MYT1: variants seen among roughly 807,000 people sequenced by gnomAD.
MYT1 encodes the protein myelin transcription factor 1, also known as myelin transcription factor I.
Under a neutral mutation model 123.0 loss-of-function variants are expected in MYT1, and 23 were observed. The ratio of observed to expected loss-of-function variants is 0.19; its 90% CI spans 0.13 to 0.26. The LOEUF (loss-of-function observed/expected upper bound fraction) is 0.26. Ranked by LOEUF, MYT1 falls within the 10% of genes least tolerant of loss-of-function variation. The pLI, the probability that MYT1 is intolerant of heterozygous loss-of-function variation, is 1.00. For missense variants in MYT1, 1,125 were observed against 1,472.5 expected (o/e 0.76, Z 3.86); for synonymous variants, 518 against 575.3 (o/e 0.90, Z 1.43).
rs1984350810 is a variant in MYT1 at position 64,232,466 on chromosome 20, G to A, written c.2897+81G>A. 7.0e-7 allele frequency: 1 copy of A among 1,418,454 alleles called. No homozygotes were observed. The highest frequency in any genetic ancestry group is 1.4e-5 in the African/African-American group (1 of 70,992). 87.9% of individuals were successfully genotyped at this position (1,418,454 alleles called of 1,614,324 possible). ...GGGCCTGGGGCTGAAGCTCCTGAGGGAGGGCCAGACCAGGGCTCCGTGTGA... is the reference window on the plus strand; with the variant it reads ...GGGCCTGGGGCTGAAGCTCCTGAGGAAGGGCCAGACCAGGGCTCCGTGTGA... On this transcript the variant is annotated intron_variant, in intron 19 of 22. Transcript: ENST00000328439. The surrounding 1 kb of genome is among the most constrained non-coding windows in gnomAD (Gnocchi z 6.9).
rs1982899194 is a variant in MYT1 at position 64,189,235 on chromosome 20, A to G, written c.-98-828A>G. Among the ~76,000 whole-genome samples, 1 of 152,244 alleles carries G rather than the reference A, an allele frequency of 6.6e-6. No homozygotes were observed. Among genetic ancestry groups the G allele is most frequent in the Non-Finnish European group, 1.5e-5 (1 of 68,048 alleles). The stretch of plus-strand genomic sequence containing the variant: ...TTCCAAGGCAAAGCCAGGGCCCAAC[A>G]CGAGAATATTCATTTCCTGTTTCAT... On this transcript the variant is annotated intron_variant, in intron 1 of 22. Coordinates refer to ENST00000328439, the MANE Select transcript of MYT1 (RefSeq NM_004535.3). This position sits in a 1 kb window ranked among gnomAD's most constrained non-coding sequence, Gnocchi z 5.5.
rs182552006 is a variant in MYT1, at chr20:64,240,579, C to T, written c.*131C>T. On this transcript the variant is annotated 3_prime_UTR_variant, in exon 23 of 23. Transcript: ENST00000328439. ...CCGGTGTGGCCGCGGGCGGGTTTAT[C>T]CAAAGGGATGGCTGGAAATTGGCCG... 4.5e-6 allele frequency: 6 copies of T among 1,324,514 alleles called. No homozygotes were observed. Among genetic ancestry groups the T allele is most frequent in the East Asian group, 2.6e-5 (1 of 38,640 alleles). 82.0% of individuals were successfully genotyped at this position (1,324,514 alleles called of 1,614,324 possible).
chr20:64,167,485 CAGG>C lies in MYT1; in HGVS notation c.-99+2750_-99+2752del, dbSNP rs1272030339. Among the ~76,000 whole-genome samples the C allele has an allele frequency of 6.6e-6, 1 of 152,102 alleles. No homozygotes were observed. Among genetic ancestry groups the C allele is most frequent in the Non-Finnish European group, 1.5e-5 (1 of 68,036 alleles). ...CTGACCCAGCTGGTGGAACAGGGGT[CAGG>C]AGGTTAGCTGTGGGGTGGGTGGGGG... On this transcript the variant is annotated intron_variant, in intron 1 of 22. Transcript: ENST00000328439. This position sits in a 1 kb window ranked among gnomAD's most constrained non-coding sequence, Gnocchi z 6.3.
rs1984715493 is a variant in MYT1 at position 64,241,482 on chromosome 20, T to C, written c.*1034T>C. 1 of 152,626 alleles carries C rather than the reference T, an allele frequency of 6.6e-6. No homozygotes were observed. Among genetic ancestry groups the C allele is most frequent in the South Asian group, 2.1e-4 (1 of 4,828 alleles). 9.5% of individuals were successfully genotyped at this position (152,626 alleles called of 1,614,324 possible). Reference sequence around the variant, plus strand: ...AATTGTGACTGCAATTCCAAGTTAGTATTTAAAAATAGAGAAATTGCACTT... The same window carrying C: ...AATTGTGACTGCAATTCCAAGTTAGCATTTAAAAATAGAGAAATTGCACTT... On this transcript the variant is annotated 3_prime_UTR_variant, in exon 23 of 23. Transcript: ENST00000328439. The surrounding 1 kb of genome is among the most constrained non-coding windows in gnomAD (Gnocchi z 4.2).
chr20:64,222,988 G>A (rs1601720368), intron 14 of MYT1, 123 bp from the exon 15 acceptor site: 1 of 1,018,982 alleles, frequency 9.8e-7, no homozygotes, highest in East Asian at 2.4e-5. Flanking sequence ...GAGTGGAGGA[G>A]GGGCCACCGC....
At chr20:64,211,156 G>T in intron 7 of MYT1, 50 bp from the exon 8 acceptor site, 1 of 1,582,284 alleles carries the variant, frequency 6.3e-7, no homozygotes. Flanking sequence ...CCCCCTCTCT[G>T]CTCACCACCC....
In MYT1 at chr20:64,237,343, G is replaced by A. The variant is rs1196697154; in HGVS notation, c.3046G>A (p.Glu1016Lys). 1.2e-6 allele frequency: 2 copies of A among 1,610,594 alleles called. No individual in the cohort carries two copies. Among genetic ancestry groups the A allele is most frequent in the South Asian group, 1.1e-5 (1 of 89,996 alleles). The change falls in exon 21 of 23, where the codon GAG (glutamate) becomes AAG (lysine). Residue 1016 changes from glutamate to lysine, a missense_variant. Physicochemically the swap from Glu to Lys is moderately conservative, Grantham distance 56. Around this residue, in one of 4 missense-constraint regions of MYT1, gnomAD observed 243 missense variants for 323.1 expected, o/e 0.75. Coordinates refer to ENST00000328439, the MANE Select transcript of MYT1 (RefSeq NM_004535.3). Reference protein sequence around the residue: ...QLNQEIRDLNESNSEMEAAMV... With the variant: ...QLNQEIRDLNKSNSEMEAAMV... ...GAACCAGGAGATCCGAGACCTGAAC[G>A]AGTCCAACTCGGAGATGGAGGCTGC...
chr20:64,199,861 CAT>C (rs778712633), intron 3 of MYT1, 29 bp from the exon 4 acceptor site: 14 of 1,612,070 alleles, frequency 8.7e-6, no homozygotes, highest in Admixed American at 3.3e-5. Flanking sequence ...ACAATTCCCA[CAT>C]GTTTTCCCTG....
intron 12 of MYT1, among the ~76,000 whole-genome samples, chr20:64,219,319 C>G (rs1983927590): frequency 6.6e-6 from 1 of 152,228 alleles, no homozygotes; most frequent in South Asian, 2.1e-4. Flanking sequence ...GCGTGTCTCC[C>G]TCTGAGCCTG....
rs61590994 is a variant in MYT1, at chr20:64,187,224, G to A, written c.-98-2839G>A. Among the ~76,000 whole-genome samples, 1,043 of 143,590 alleles carry A rather than the reference G, an allele frequency of 7.3e-3. 5 individuals carry two copies. Among genetic ancestry groups the A allele is most frequent in the African/African-American group, 0.021 (783 of 37,474 alleles). 94.2% of individuals were successfully genotyped at this position (143,590 alleles called of 152,430 possible). On this transcript the variant is annotated intron_variant, in intron 1 of 22. Coordinates refer to ENST00000328439, the MANE Select transcript of MYT1 (RefSeq NM_004535.3). Reference sequence around the variant, plus strand: ...GACTTTTCCTGTAGCCCGTGGCCCCGGCATCCACGTTTCCATGGAGACTTT... The same window carrying A: ...GACTTTTCCTGTAGCCCGTGGCCCCAGCATCCACGTTTCCATGGAGACTTT...
At chr20:64,187,143 G>A (rs1982832360) in intron 1 of MYT1, among the ~76,000 whole-genome samples, 1 of 146,408 alleles carries the variant, frequency 6.8e-6, no homozygotes, top group Non-Finnish European at 1.5e-5. Flanking sequence ...CGGCATCCAC[G>A]TTTCCGTGGA....
chr20:64,233,949 A>C (rs1411681374), intron 19 of MYT1, among the ~76,000 whole-genome samples: 1 of 152,240 alleles, frequency 6.6e-6, no homozygotes, highest in Non-Finnish European at 1.5e-5. Flanking sequence ...GCAAGGACTC[A>C]GCTTTCACTG....
At chr20:64,222,637 C>G (rs1984044093) in intron 14 of MYT1, among the ~76,000 whole-genome samples, 3 of 152,252 alleles carry the variant, frequency 2.0e-5, no homozygotes, top group Admixed American at 2.0e-4. Context: ...GAGGCTGTGC[C>G]TGGCACCTGC....
rs1983573602 is a variant in MYT1 at position 64,208,632 on chromosome 20, T to A, written c.1291+145T>A. 1 of 1,364,582 alleles carries A rather than the reference T, an allele frequency of 7.3e-7. No homozygotes were observed. Among genetic ancestry groups the A allele is most frequent in the African/African-American group, 1.5e-5 (1 of 68,130 alleles). 84.5% of individuals were successfully genotyped at this position (1,364,582 alleles called of 1,614,324 possible). On this transcript the variant is annotated intron_variant, in intron 7 of 22. Coordinates refer to ENST00000328439, the MANE Select transcript of MYT1 (RefSeq NM_004535.3). The surrounding 1 kb of genome is among the most constrained non-coding windows in gnomAD (Gnocchi z 5.4). ...AAAAGGACAAATACATGACACAGAC[T>A]GTGGTCAGATACTGAGCAAATGGGT...
chr20:64,240,567 G>T lies in MYT1; in HGVS notation c.*119G>T. 1 of 1,394,904 alleles carries T rather than the reference G, an allele frequency of 7.2e-7. No individual in the cohort carries two copies. The highest frequency in any genetic ancestry group is 9.4e-7 in the Non-Finnish European group (1 of 1,059,526). The allele number at this position is 1,394,904 out of a possible 1,614,324, so 86.4% of individuals were successfully genotyped here. A position where few individuals can be genotyped will look rare whatever the true frequency, so the allele number is the denominator to read the frequency against. On this transcript the variant is annotated 3_prime_UTR_variant, in exon 23 of 23. Transcript: ENST00000328439. ...CCCGTTTGGGGCCCGGTGTGGCCGC[G>T]GGCGGGTTTATCCAAAGGGATGGCT... is the stretch of plus-strand genomic sequence containing the variant.
At chr20:64,234,655 GGTGACCCTGGGCTGGCTGTGGTAT>G (rs1984442195) in intron 19 of MYT1, among the ~76,000 whole-genome samples, 4 of 143,102 alleles carry the variant, frequency 2.8e-5, no homozygotes, top group South Asian at 4.4e-4. Context: ...GGCCGTGGTG[GGTGACCCTGGGCTGGCTGTGGTAT>G]GTGACCCTGG....
Position 64,223,094 on chromosome 20 carries a change from C to CT in MYT1, c.2397-12dup. 1 of 1,614,136 alleles carries CT rather than the reference C, an allele frequency of 6.2e-7. No individual in the cohort carries two copies. The highest frequency in any genetic ancestry group is 8.5e-7 in the Non-Finnish European group (1 of 1,179,986). On this transcript the variant is annotated splice_polypyrimidine_tract_variant and intron_variant, in intron 14 of 22. Transcript: ENST00000328439. ...ACACACCACTCTCCGGTCTGACACT[C>CT]TTTTTCCTTTGTCCAGCTGTCCCAC...
At chr20:64,181,972 G>A (rs1183175916) in intron 1 of MYT1, among the ~76,000 whole-genome samples, 1 of 152,156 alleles carries the variant, frequency 6.6e-6, no homozygotes, top group Non-Finnish European at 1.5e-5. Context: ...ACTAGAGGGA[G>A]GAATCCTGGG....
Position 64,220,577 on chromosome 20 carries a change from C to T in MYT1, c.2241+595C>T, listed in dbSNP as rs140239384. On this transcript the variant is annotated intron_variant, in intron 13 of 22. Coordinates refer to ENST00000328439, the MANE Select transcript of MYT1 (RefSeq NM_004535.3). The stretch of plus-strand genomic sequence containing the variant: ...AAGAAGAATCCTCCGAGGCCACAGC[C>T]GGTTCTGGGCTTTTTCCCAAGGAGG... Among the ~76,000 whole-genome samples the T allele has an allele frequency of 3.6e-3, 546 of 152,344 alleles. 1 individual carries two copies. Among genetic ancestry groups the T allele is most frequent in the Middle Eastern group, 0.02 (6 of 294 alleles).
Sources: gnomAD v4.1 joint callset for allele counts (sites outside exome capture counted in the v4.1 genomes callset) on GRCh38, gnomAD v4.1.1 for gene constraint, gnomAD v4.1.1 regional missense constraint, Gnocchi (gnomAD v3.1) non-coding constraint, MANE v1.5 for transcripts, NCBI Gene and HGNC (gene_info 2026-07-23, HGNC 2026-07-21) for gene names.